Variants in EDIL3 observed in about 807,000 individuals in gnomAD.
The protein encoded by EDIL3 is EGF like and discoidin domains 3, also known as EGF-like repeat and discoidin I-like domain-containing protein 3.
EDIL3 carries 37 observed loss-of-function variants against 67.4 expected under a neutral mutation model. That is an observed-to-expected ratio of 0.55 (90% confidence interval 0.42 to 0.72). The LOEUF (loss-of-function observed/expected upper bound fraction) is 0.72. Among genes scored for constraint, EDIL3 ranks in the 30% least tolerant of loss-of-function variants. The probability of loss-of-function intolerance (pLI) is 0.00; values close to 1 mark genes in which losing one functional copy is unlikely to be tolerated. For missense variants in EDIL3, 527 were observed against 586.3 expected (o/e 0.90, Z 1.04); for synonymous variants, 195 against 196.3 (o/e 0.99, Z 0.05).
intron 1 of EDIL3, among the ~76,000 whole-genome samples, chr5:84,355,432 C>G (rs1026488232): frequency 2.6e-5 from 4 of 151,966 alleles, no homozygotes; most frequent in African/African-American, 9.7e-5. Context: ...TTACAACATG[C>G]TCCTTTAGCT....
chr5:84,380,375 C>T lies in EDIL3; in HGVS notation c.67+3933G>A, dbSNP rs115990032. On this transcript the variant is annotated intron_variant, in intron 1 of 10. Transcript: ENST00000296591. ...TAATGTTAATTTTCAACCTACTTAG[C>T]AAATAAAAAGTAAATGATTAACTAT... Among the ~76,000 whole-genome samples the T allele has an allele frequency of 4.5e-3, 678 of 152,084 alleles. 6 individuals are homozygous for T. The highest frequency in any genetic ancestry group is 0.016 in the African/African-American group (646 of 41,534).
intron 1 of EDIL3, among the ~76,000 whole-genome samples, chr5:84,262,086 A>G (rs1323239081): frequency 2.0e-5 from 3 of 152,204 alleles, no homozygotes; most frequent in South Asian, 4.1e-4. Flanking sequence ...AACACTCTGG[A>G]AAGTCCCTTA....
At chr5:84,232,940 G>A (rs1580389559) in intron 2 of EDIL3, among the ~76,000 whole-genome samples, 2 of 152,130 alleles carry the variant, frequency 1.3e-5, no homozygotes, top group Admixed American at 1.3e-4. Context: ...TGCGAAACAA[G>A]TATCACAGAA....
intron 5 of EDIL3, among the ~76,000 whole-genome samples, chr5:84,122,471 C>T (rs1305568075): frequency 1.3e-5 from 2 of 151,834 alleles, no homozygotes; most frequent in South Asian, 2.1e-4. Flanking sequence ...ATTAACTCGT[C>T]GTTTACATTA....
chr5:84,037,988 G>GTTTTT lies in EDIL3; in HGVS notation c.1137+22307_1137+22311dup, dbSNP rs67762520. On this transcript the variant is annotated intron_variant, in intron 9 of 10. Transcript: ENST00000296591. ...TTCTCTTTTCTTTTCTTTCTTTCTT[G>GTTTTT]TTTTTTTTTTTTTTTTTTTTTTTGA... is the stretch of plus-strand genomic sequence containing the variant. 7.3e-3 allele frequency among the ~76,000 whole-genome samples: 727 copies of GTTTTT among 99,630 alleles called. 94 individuals are homozygous for GTTTTT. Among genetic ancestry groups the GTTTTT allele is most frequent in the African/African-American group, 0.03 (662 of 22,138 alleles). The allele number at this position is 99,630 out of a possible 152,430, so 65.4% of individuals were successfully genotyped here.
intron 9 of EDIL3, among the ~76,000 whole-genome samples, chr5:84,052,140 G>C (rs1162247343): frequency 6.6e-6 from 1 of 152,224 alleles, no homozygotes; most frequent in Non-Finnish European, 1.5e-5. Context: ...CCAGAAGAGA[G>C]TGGGGGCCAA....
chr5:84,010,547 T>C (rs4235657), intron 9 of EDIL3, among the ~76,000 whole-genome samples: 137,920 of 152,156 alleles, frequency 0.91, 63,424 homozygotes, highest in East Asian at 0.98. Flanking sequence ...GTAGTTTTTA[T>C]AAATGTAAGG....
intron 1 of EDIL3, among the ~76,000 whole-genome samples, chr5:84,268,412 C>A (rs1013011471): frequency 6.6e-6 from 1 of 151,948 alleles, no homozygotes; most frequent in Non-Finnish European, 1.5e-5. Flanking sequence ...ACCATTTACA[C>A]GAGAGTAAAA....
chr5:84,067,121 A>C (rs1369734254), intron 6 of EDIL3, among the ~76,000 whole-genome samples: 1 of 152,160 alleles, frequency 6.6e-6, no homozygotes, highest in East Asian at 1.9e-4. Context: ...AAAAACAAAC[A>C]AGTATCCCTT....
At chr5:84,320,694 T>C (rs187442680) in intron 1 of EDIL3, among the ~76,000 whole-genome samples, 1 of 150,950 alleles carries the variant, frequency 6.6e-6, no homozygotes, top group Admixed American at 6.6e-5. Context: ...ATACAGATAG[T>C]ATAAGAAGGG....
At chr5:84,103,511 A>G (rs916902134) in intron 6 of EDIL3, among the ~76,000 whole-genome samples, 3 of 151,868 alleles carry the variant, frequency 2.0e-5, no homozygotes, top group Non-Finnish European at 4.4e-5. Flanking sequence ...AGAAACTTAA[A>G]TTTTCAAGAA....
intron 1 of EDIL3, among the ~76,000 whole-genome samples, chr5:84,327,270 CTTT>C (rs1331076320): frequency 3.3e-5 from 5 of 151,784 alleles, no homozygotes; most frequent in Non-Finnish European, 1.5e-5. Flanking sequence ...CTCACCATGC[CTTT>C]TTAATTGTTC....
intron 1 of EDIL3, among the ~76,000 whole-genome samples, chr5:84,343,834 G>C (rs1747177918): frequency 6.6e-6 from 1 of 152,044 alleles, no homozygotes; most frequent in Non-Finnish European, 1.5e-5. Flanking sequence ...TACAGAAGAA[G>C]TTGTAAGGTT....
intron 4 of EDIL3, among the ~76,000 whole-genome samples, chr5:84,144,075 T>C (rs550208126): frequency 6.6e-6 from 1 of 152,216 alleles, no homozygotes; most frequent in South Asian, 2.1e-4. Context: ...GCACAAGTCA[T>C]GCACTTAGAG....
intron 1 of EDIL3, among the ~76,000 whole-genome samples, chr5:84,383,323 C>A (rs1748129334): frequency 6.6e-6 from 1 of 152,126 alleles, no homozygotes; most frequent in Admixed American, 6.5e-5. Flanking sequence ...TCAGCCCCGG[C>A]CAGCGGTGAG....
At chr5:84,157,653 A>G (rs1748517729) in intron 4 of EDIL3, among the ~76,000 whole-genome samples, 1 of 152,058 alleles carries the variant, frequency 6.6e-6, no homozygotes. Flanking sequence ...CACATAAAAT[A>G]ACTCTGTTCC....
intron 5 of EDIL3, among the ~76,000 whole-genome samples, chr5:84,126,024 T>C (rs1469415289): frequency 6.6e-6 from 1 of 151,902 alleles, no homozygotes; most frequent in East Asian, 1.9e-4. Flanking sequence ...TTAGAATACA[T>C]CATCTCTCTA....
At chr5:84,230,727 A>T (rs1744556006) in intron 2 of EDIL3, among the ~76,000 whole-genome samples, 1 of 143,816 alleles carries the variant, frequency 7.0e-6, no homozygotes, top group East Asian at 2.1e-4. Context: ...TTAAACATGA[A>T]GATTCCAGTT....
chr5:84,009,587 T>C (rs1745483602), intron 9 of EDIL3, among the ~76,000 whole-genome samples: 2 of 152,220 alleles, frequency 1.3e-5, no homozygotes, highest in Non-Finnish European at 2.9e-5. Context: ...GGTAGATTAA[T>C]GTTTAATTTA....
Sources: gnomAD v4.1 joint callset for allele counts (sites outside exome capture counted in the v4.1 genomes callset) on GRCh38, gnomAD v4.1.1 for gene constraint, MANE v1.5 for transcripts, NCBI Gene and HGNC (gene_info 2026-07-23, HGNC 2026-07-21) for gene names.